Variants in PSMC6 observed in about 807,000 individuals in gnomAD.
PSMC6 encodes the protein 26S proteasome regulatory subunit 10B.
In PSMC6, 3 loss-of-function variants were observed where a neutral mutation model predicts 55.9. The ratio of observed to expected loss-of-function variants is 0.05; its 90% confidence interval spans 0.02 to 0.14. The LOEUF (loss-of-function observed/expected upper bound fraction) is 0.14, where lower values mean the gene tolerates loss of function less well. Among genes scored for constraint, PSMC6 ranks in the 10% least tolerant of loss-of-function variants. PSMC6 has a pLI of 1.00. For synonymous variants in PSMC6, 137 were observed against 155.9 expected (o/e 0.88, Z 0.90); for missense variants, 210 against 478.7 (o/e 0.44, Z 5.24).
intron 13 of PSMC6, 90 bp downstream of exon 13, chr14:52,724,126 C>A: frequency 8.0e-7 from 1 of 1,243,258 alleles, no homozygotes; most frequent in Non-Finnish European, 1.2e-6. Flanking sequence ...GGAGCATAGA[C>A]TTTGCAAGGA....
At chr14:52,719,116 CAA>C (rs897672285) in intron 10 of PSMC6, 78 bp downstream of exon 10, 18 of 1,156,586 alleles carry the variant, frequency 1.6e-5, no homozygotes, top group Non-Finnish European at 2.0e-5. Context: ...ATTTGATAGT[CAA>C]AATATATAGA....
Position 52,720,897 on chromosome 14 carries a change from A to G in PSMC6, c.814A>G (p.Arg272Gly). The G allele has an allele frequency of 6.2e-7, 1 of 1,608,988 alleles. No homozygotes were observed. The highest frequency in any genetic ancestry group is 8.5e-7 in the Non-Finnish European group (1 of 1,175,642). The change falls in exon 11 of 14, where the codon AGA (arginine) becomes GGA (glycine). Residue 272 changes from arginine to glycine, a missense_variant. By Grantham distance (125) the Arg-to-Gly change is moderately radical. Around this residue, in one of 4 missense-constraint regions of PSMC6, gnomAD observed 79 missense variants for 158.7 expected, o/e 0.50. Coordinates refer to ENST00000445930, the MANE Select transcript of PSMC6 (RefSeq NM_002806.5). ...AATGGATGGATTTGATACTCTGCATAGAGTTAAAATGATCATGGCTACAAA... is the reference window on the plus strand; with the variant it reads ...AATGGATGGATTTGATACTCTGCATGGAGTTAAAATGATCATGGCTACAAA... ...NQMDGFDTLH[R>G]VKMIMATNRP...
intron 12 of PSMC6, 22 bp downstream of exon 12, chr14:52,721,212 T>C: frequency 6.7e-7 from 1 of 1,499,050 alleles, no homozygotes; most frequent in Admixed American, 2.2e-5. Context: ...ATCTATTTTA[T>C]ATGTATTTAC....
intron 7 of PSMC6, among the ~76,000 whole-genome samples, chr14:52,717,330 A>ATTTTT (rs71125121): frequency 5.4e-5 from 6 of 110,730 alleles, no homozygotes; most frequent in South Asian, 3.0e-4. Context: ...GTACTTTGGA[A>ATTTTT]TTTTTTTTTT....
intron 13 of PSMC6, among the ~76,000 whole-genome samples, chr14:52,726,857 G>T (rs1880436522): frequency 6.6e-6 from 1 of 151,986 alleles, no homozygotes; most frequent in South Asian, 2.1e-4. Context: ...GGCTAGGCTG[G>T]TCTCGAACTC....
chr14:52,714,540 CT>C (rs1432278953), intron 7 of PSMC6, among the ~76,000 whole-genome samples: 2 of 152,158 alleles, frequency 1.3e-5, no homozygotes, highest in African/African-American at 4.8e-5. Context: ...CTTTCATGGA[CT>C]CTGTAAGGTC....
intron 4 of PSMC6, 124 bp from the exon 5 acceptor site, chr14:52,710,977 A>C: frequency 1.3e-6 from 1 of 779,536 alleles, no homozygotes. Flanking sequence ...AGAGTTTATA[A>C]TCTGATATTT....
chr14:52,726,823 G>A (rs1282017494), intron 13 of PSMC6, among the ~76,000 whole-genome samples: 1 of 151,668 alleles, frequency 6.6e-6, no homozygotes, highest in Non-Finnish European at 1.5e-5. Context: ...TGTGTTTTTA[G>A]TAGAAACGGG....
At chr14:52,718,169 T>A in intron 8 of PSMC6, 27 bp downstream of exon 8, 5 of 1,611,412 alleles carry the variant, frequency 3.1e-6, no homozygotes, top group Middle Eastern at 1.7e-4. Context: ...TTTGTACTTA[T>A]TGAAATTTAA....
chr14:52,728,345 T>C lies in PSMC6; in HGVS notation c.*728T>C, dbSNP rs569208319. 1 of 152,328 alleles carries C rather than the reference T, an allele frequency of 6.6e-6. No individual in the cohort carries two copies. Among genetic ancestry groups the C allele is most frequent in the Non-Finnish European group, 1.5e-5 (1 of 68,006 alleles). The allele number at this position is 152,328 out of a possible 1,614,324, so 9.4% of individuals were successfully genotyped here. ...TGGTTTATGTAAGACGATAGGTCCCTGTTGAGGATGTGGAGGTCTGGACCC... is the reference window on the plus strand; with the variant it reads ...TGGTTTATGTAAGACGATAGGTCCCCGTTGAGGATGTGGAGGTCTGGACCC... On this transcript the variant is annotated 3_prime_UTR_variant, in exon 14 of 14. Transcript: ENST00000445930.
intron 10 of PSMC6, among the ~76,000 whole-genome samples, chr14:52,720,367 C>CAAAAAAAAAAAAAAA (rs71444775): frequency 7.2e-5 from 3 of 41,482 alleles, no homozygotes; most frequent in African/African-American, 2.7e-4. Flanking sequence ...AACTCTGTCT[C>CAAAAAAAAAAAAAAA]AAAAAAAAAA....
In PSMC6 at chr14:52,707,319, C is replaced by T. The variant is rs373773094; in HGVS notation, c.85+15C>T. On this transcript the variant is annotated intron_variant, in intron 1 of 13. Coordinates refer to ENST00000445930, the MANE Select transcript of PSMC6 (RefSeq NM_002806.5). The stretch of plus-strand genomic sequence containing the variant: ...TCTTAAGGAGTGTGAGTGCACCTTT[C>T]TTTCCATTTAATCAAGTGCCTCGAC... The T allele has an allele frequency of 1.2e-6, 2 of 1,613,706 alleles. No individual in the cohort carries two copies. The highest frequency in any genetic ancestry group is 2.7e-5 in the African/African-American group (2 of 75,082).
chr14:52,709,519 T>C, intron 4 of PSMC6: 1 of 437,456 alleles, frequency 2.3e-6, no homozygotes, highest in South Asian at 1.6e-5. Context: ...GTTGACATTT[T>C]CTAAGTCAAA....
At chr14:52,718,443 T>C in intron 9 of PSMC6, 91 bp downstream of exon 9, 3 of 1,338,720 alleles carry the variant, frequency 2.2e-6, no homozygotes, top group East Asian at 4.6e-5. Flanking sequence ...TTGTGACTTG[T>C]ATGAAGTAGA....
At chr14:52,719,074 A>G (rs955276875) in intron 10 of PSMC6, 36 bp downstream of exon 10, 1 of 1,500,926 alleles carries the variant, frequency 6.7e-7, no homozygotes, top group Non-Finnish European at 9.2e-7. Flanking sequence ...AAAGAAACCA[A>G]TGTTTATTAA....
rs1157966370 is a variant in PSMC6, at chr14:52,721,324, A to T, written c.979+134A>T. ...GTGGTTTTAAATTCAGCAAATAGTT[A>T]TTGAGCATCTACTATAAGCTAGGAA... On this transcript the variant is annotated intron_variant, in intron 12 of 13. Coordinates refer to ENST00000445930, the MANE Select transcript of PSMC6 (RefSeq NM_002806.5). 3 of 719,130 alleles carry T rather than the reference A, an allele frequency of 4.2e-6. No individual in the cohort carries two copies. In the East Asian group the frequency reaches 8.6e-5, roughly 21 times the overall value. 44.5% of individuals were successfully genotyped at this position (719,130 alleles called of 1,614,324 possible).
chr14:52,709,048 G>T, intron 4 of PSMC6: 1 of 378,152 alleles, frequency 2.6e-6, no homozygotes, highest in Non-Finnish European at 4.6e-6. Context: ...TCTGTTAATA[G>T]CCACTTAGAA....
chr14:52,712,677 C>T (rs1397359498), intron 6 of PSMC6, among the ~76,000 whole-genome samples: 1 of 151,894 alleles, frequency 6.6e-6, no homozygotes, highest in Non-Finnish European at 1.5e-5. Context: ...GGCTGGAATG[C>T]AGTGGTGCAG....
intron 10 of PSMC6, among the ~76,000 whole-genome samples, chr14:52,720,094 G>A (rs772255368): frequency 6.6e-6 from 1 of 151,740 alleles, no homozygotes; most frequent in Non-Finnish European, 1.5e-5. Flanking sequence ...GTGGTGGCGT[G>A]TGCCTGTAAT....
Sources: allele counts gnomAD v4.1 joint callset (sites outside exome capture counted in the v4.1 genomes callset), GRCh38; gene constraint gnomAD v4.1.1; regional missense constraint gnomAD v4.1.1; transcripts MANE v1.5; gene names NCBI Gene and HGNC (gene_info 2026-07-23, HGNC 2026-07-21).